Variants in MBD5 observed in about 807,000 individuals in gnomAD.
MBD5 encodes methyl-CpG binding domain protein 5, also known as methyl-CpG-binding domain protein 5.
MBD5 carries 13 observed loss-of-function variants against 117.3 expected under a neutral mutation model. That is an observed-to-expected ratio of 0.11 (90% CI 0.07 to 0.18). The LOEUF (loss-of-function observed/expected upper bound fraction) is 0.18. MBD5 is among the 10% of genes least tolerant of loss of function. The pLI is 1.00. For synonymous variants in MBD5, 727 were observed against 766.4 expected, an observed-to-expected ratio of 0.95 and a Z score of 0.85; for missense variants, 1,879 against 2,093.8, an observed-to-expected ratio of 0.90 and a Z score of 2.00.
intron 4 of MBD5, among the ~76,000 whole-genome samples, chr2:148,345,681 A>ATG (rs1036440313): frequency 6.7e-6 from 1 of 148,374 alleles, no homozygotes; most frequent in Non-Finnish European, 1.5e-5. Context: ...ATATAAATGT[A>ATG]TGTGTGTGTA....
intron 2 of MBD5, among the ~76,000 whole-genome samples, chr2:148,208,548 C>T (rs1455076264): frequency 6.6e-6 from 1 of 152,136 alleles, no homozygotes; most frequent in Admixed American, 6.6e-5. Flanking sequence ...TGAACCACCA[C>T]GCCAGGCTAT....
intron 4 of MBD5, among the ~76,000 whole-genome samples, chr2:148,420,946 C>G (rs1254950886): frequency 1.3e-5 from 2 of 152,104 alleles, no homozygotes; most frequent in Non-Finnish European, 2.9e-5. Flanking sequence ...CGAGGCTGGT[C>G]TTGAATTCCT....
At chr2:148,358,927 G>T (rs1309814976) in intron 4 of MBD5, among the ~76,000 whole-genome samples, 1 of 152,134 alleles carries the variant, frequency 6.6e-6, no homozygotes, top group Non-Finnish European at 1.5e-5. Context: ...GCATAGAGTA[G>T]CAGTAAGTTA....
At chr2:148,453,978 A>T (rs1457345693) in intron 4 of MBD5, among the ~76,000 whole-genome samples, 1 of 152,154 alleles carries the variant, frequency 6.6e-6, no homozygotes, top group Non-Finnish European at 1.5e-5. Context: ...TAAATGAGTT[A>T]TCAAGATGGG....
In MBD5 at chr2:148,248,129, G is replaced by A. The variant is rs1039153760; in HGVS notation, c.-680+14734G>A. On this transcript the variant is annotated intron_variant, in intron 3 of 13. Coordinates refer to ENST00000642680, the MANE Select transcript of MBD5 (RefSeq NM_001378120.1). ...AGAGTAACAAGAGACTGTCAAAATC[G>A]TGGACTCATCCAAGATGGAGAGTCT... Among the ~76,000 whole-genome samples, 9 of 152,188 alleles carry A rather than the reference G, an allele frequency of 5.9e-5. 1 individual carries two copies. Among genetic ancestry groups the A allele is most frequent in the Admixed American group, 2.6e-4 (4 of 15,278 alleles).
chr2:148,150,337 AC>A (rs1471715242), intron 1 of MBD5, among the ~76,000 whole-genome samples: 1 of 151,044 alleles, frequency 6.6e-6, no homozygotes, highest in Non-Finnish European at 1.5e-5. Context: ...TGTTTTGGTT[AC>A]TATAGCCTTG....
intron 2 of MBD5, among the ~76,000 whole-genome samples, chr2:148,214,681 A>G (rs1478827534): frequency 6.6e-6 from 1 of 152,182 alleles, no homozygotes; most frequent in Non-Finnish European, 1.5e-5. Flanking sequence ...CCATGTCACA[A>G]GTAGATTATG....
chr2:148,220,276 G>A (rs1699653327), intron 2 of MBD5, among the ~76,000 whole-genome samples: 1 of 152,118 alleles, frequency 6.6e-6, no homozygotes, highest in Non-Finnish European at 1.5e-5. Flanking sequence ...TGTAGGACAA[G>A]ATTTACTTAA....
chr2:148,508,523 A>AT (rs1256609258), intron 12 of MBD5, among the ~76,000 whole-genome samples: 2 of 152,116 alleles, frequency 1.3e-5, no homozygotes, highest in East Asian at 1.9e-4. Context: ...CTCCAGCTTT[A>AT]TTTTTTTAAT....
chr2:148,056,666 T>G (rs974435037), intron 1 of MBD5, among the ~76,000 whole-genome samples: 10 of 152,186 alleles, frequency 6.6e-5, no homozygotes, highest in African/African-American at 2.4e-4. Context: ...TTTTTATACT[T>G]TCTGGATTAG....
chr2:148,227,161 T>C (rs1699851277), intron 2 of MBD5, among the ~76,000 whole-genome samples: 1 of 152,234 alleles, frequency 6.6e-6, no homozygotes, highest in African/African-American at 2.4e-5. Context: ...CCATTGCTTT[T>C]GGTGTTTTAG....
intron 1 of MBD5, chr2:148,041,408 AAG>A (rs1050082620): frequency 1.1e-4 from 16 of 152,302 alleles, no homozygotes; most frequent in African/African-American, 3.9e-4. Flanking sequence ...AGAATTAGGA[AAG>A]GGGACTTCTG....
intron 3 of MBD5, among the ~76,000 whole-genome samples, chr2:148,317,687 G>A (rs1022973137): frequency 2.0e-5 from 3 of 151,412 alleles, no homozygotes; most frequent in Admixed American, 6.6e-5. Context: ...TTTAGTCCTC[G>A]CTTGTGTGAA....
intron 3 of MBD5, among the ~76,000 whole-genome samples, chr2:148,240,977 T>A (rs1337647688): frequency 6.6e-6 from 1 of 152,108 alleles, no homozygotes; most frequent in Non-Finnish European, 1.5e-5. Context: ...ATTTGGGCAT[T>A]TATTATGATG....
chr2:148,043,145 G>T (rs1281902830), intron 1 of MBD5, among the ~76,000 whole-genome samples: 4 of 151,972 alleles, frequency 2.6e-5, no homozygotes, highest in African/African-American at 4.8e-5. Flanking sequence ...GAATTTCTAG[G>T]CCTGGCACTG....
At chr2:148,323,825 G>C (rs1355626097) in intron 3 of MBD5, among the ~76,000 whole-genome samples, 2 of 152,248 alleles carry the variant, frequency 1.3e-5, no homozygotes, top group African/African-American at 2.4e-5. Flanking sequence ...TTATTTTGCT[G>C]TGCAGAAGCT....
At chr2:148,138,880 TAAAC>T (rs1248213628) in intron 1 of MBD5, among the ~76,000 whole-genome samples, 1 of 144,890 alleles carries the variant, frequency 6.9e-6, no homozygotes, top group African/African-American at 2.8e-5. Context: ...GGAAGAATGA[TAAAC>T]AATTGATTTG....
At chr2:148,481,307 T>C (rs1681145634) in intron 8 of MBD5, among the ~76,000 whole-genome samples, 1 of 152,138 alleles carries the variant, frequency 6.6e-6, no homozygotes, top group Non-Finnish European at 1.5e-5. Context: ...GAAAAATCCT[T>C]GTGTTATTCT....
intron 1 of MBD5, among the ~76,000 whole-genome samples, chr2:148,131,041 A>T (rs963012292): frequency 6.6e-6 from 1 of 152,174 alleles, no homozygotes. Flanking sequence ...TGTAGTATAC[A>T]GGTTATTCAA....
Sources: allele counts gnomAD v4.1 joint callset (sites outside exome capture counted in the v4.1 genomes callset), GRCh38; gene constraint gnomAD v4.1.1; transcripts MANE v1.5; gene names NCBI Gene and HGNC (gene_info 2026-07-23, HGNC 2026-07-21).